Variants in MAPK10 observed in about 807,000 individuals in gnomAD.
MAPK10 encodes mitogen-activated protein kinase 10.
In MAPK10, 25 loss-of-function variants were observed where a neutral mutation model predicts 59.3. That is an observed-to-expected ratio of 0.42 (90% CI 0.31 to 0.59). The LOEUF (loss-of-function observed/expected upper bound fraction) is 0.59. Among genes scored for constraint, MAPK10 ranks in the 20% least tolerant of loss-of-function variants. The pLI is 0.15. For synonymous variants in MAPK10, 190 were observed against 200.5 expected, an observed-to-expected ratio of 0.95 and a Z score of 0.44; for missense variants, 351 against 568.9, an observed-to-expected ratio of 0.62 and a Z score of 3.90.
intron 1 of MAPK10, among the ~76,000 whole-genome samples, chr4:86,588,447 A>G (rs998760727): frequency 1.3e-5 from 2 of 152,198 alleles, no homozygotes; most frequent in Non-Finnish European, 2.9e-5. Context: ...ATATATTTAT[A>G]GATATAGGTA....
At chr4:86,224,503 A>G (rs906230648) in intron 2 of MAPK10, among the ~76,000 whole-genome samples, 1 of 152,176 alleles carries the variant, frequency 6.6e-6, no homozygotes, top group African/African-American at 2.4e-5. Flanking sequence ...GGAAGCATAG[A>G]GAATGTGAGA....
intron 1 of MAPK10, among the ~76,000 whole-genome samples, chr4:86,545,428 A>C (rs1020425925): frequency 3.3e-5 from 5 of 152,156 alleles, no homozygotes; most frequent in Admixed American, 2.0e-4. Flanking sequence ...CTCTTCTGAG[A>C]ACTTTCTCAA....
At chr4:86,147,560 T>G (rs1340554050) in intron 4 of MAPK10, among the ~76,000 whole-genome samples, 1 of 152,216 alleles carries the variant, frequency 6.6e-6, no homozygotes, top group Non-Finnish European at 1.5e-5. Context: ...TTATACATTC[T>G]GTAAGGATAC....
At chr4:86,540,883 A>T (rs1159416243) in intron 1 of MAPK10, among the ~76,000 whole-genome samples, 1 of 151,826 alleles carries the variant, frequency 6.6e-6, no homozygotes, top group Non-Finnish European at 1.5e-5. Flanking sequence ...TGGGAGGATC[A>T]CTTGAGCCCA....
At chr4:86,194,434 A>C (rs750174682) in intron 2 of MAPK10, 27 bp from the exon 3 acceptor site, 3 of 1,343,622 alleles carry the variant, frequency 2.2e-6, no homozygotes, top group South Asian at 2.4e-5. Flanking sequence ...TGGAGCATAA[A>C]TTTTCAAATC....
intron 2 of MAPK10, among the ~76,000 whole-genome samples, chr4:86,197,073 G>A (rs184054105): frequency 4.6e-4 from 70 of 152,250 alleles, no homozygotes; most frequent in African/African-American, 1.5e-3. Flanking sequence ...GAAATTTAAA[G>A]TAGTTTTTTC....
chr4:86,385,954 C>T (rs1045256565), intron 1 of MAPK10, among the ~76,000 whole-genome samples: 3 of 152,184 alleles, frequency 2.0e-5, no homozygotes, highest in Non-Finnish European at 4.4e-5. Flanking sequence ...TTTATCCAGT[C>T]TTAGCCAGGT....
At chr4:86,291,300 TTG>T (rs2095218679) in intron 2 of MAPK10, among the ~76,000 whole-genome samples, 2 of 152,230 alleles carry the variant, frequency 1.3e-5, no homozygotes, top group Admixed American at 6.5e-5. Context: ...ATAATCTACC[TTG>T]TGTAATACCA....
In MAPK10 at chr4:86,360,009, C is replaced by T. The variant is rs1178263336; in HGVS notation, c.-473G>A. ...TGGCTTGCTGAATCACCCTCTTTCA[C>T]TGCCTGGAAACCATTGTGCAGCGTG... is the stretch of plus-strand genomic sequence containing the variant. On this transcript the variant is annotated 5_prime_UTR_variant, in exon 1 of 14. In the 5' UTR this introduces an upstream ATG that the reference lacks. Coordinates refer to ENST00000641462, the MANE Select transcript of MAPK10 (RefSeq NM_138982.4). 2 of 985,862 alleles carry T rather than the reference C, an allele frequency of 2.0e-6. No individual in the cohort carries two copies. The highest frequency in any genetic ancestry group is 2.4e-6 in the Non-Finnish European group (2 of 829,976). 61.1% of individuals were successfully genotyped at this position (985,862 alleles called of 1,614,324 possible). A position where few individuals can be genotyped will look rare whatever the true frequency, so the allele number is the denominator to read the frequency against.
intron 1 of MAPK10, among the ~76,000 whole-genome samples, chr4:86,389,618 G>A (rs760338239): frequency 6.6e-6 from 1 of 152,154 alleles, no homozygotes; most frequent in South Asian, 2.1e-4. Flanking sequence ...TGTGAAATGT[G>A]TAGTACAGCC....
intron 4 of MAPK10, among the ~76,000 whole-genome samples, chr4:86,155,292 A>C (rs905808226): frequency 3.3e-5 from 5 of 151,978 alleles, no homozygotes; most frequent in African/African-American, 9.7e-5. Context: ...ACTGTAGACC[A>C]CTTATTGAAG....
chr4:86,136,910 A>T (rs1215789114), intron 4 of MAPK10, among the ~76,000 whole-genome samples: 1 of 152,222 alleles, frequency 6.6e-6, no homozygotes, highest in African/African-American at 2.4e-5. Flanking sequence ...ACAGATTTTA[A>T]ACCAACAAAG....
chr4:86,291,204 A>T (rs2095215540), intron 2 of MAPK10, among the ~76,000 whole-genome samples: 1 of 152,228 alleles, frequency 6.6e-6, no homozygotes, highest in African/African-American at 2.4e-5. Flanking sequence ...CTAAATATTT[A>T]TTGATCATTA....
intron 13 of MAPK10, among the ~76,000 whole-genome samples, chr4:86,019,770 G>C (rs565680056): frequency 2.0e-5 from 3 of 152,182 alleles, no homozygotes; most frequent in Middle Eastern, 6.8e-3. Context: ...TATTATAAAG[G>C]CCTGATCAAT....
At chr4:86,070,374 G>A (rs1169433280) in intron 9 of MAPK10, among the ~76,000 whole-genome samples, 3 of 151,268 alleles carry the variant, frequency 2.0e-5, no homozygotes, top group Non-Finnish European at 3.0e-5. Context: ...CACTTGAAGG[G>A]CTTTATTTTT....
intron 4 of MAPK10, among the ~76,000 whole-genome samples, chr4:86,130,992 G>A (rs2149139350): frequency 1.3e-5 from 2 of 152,256 alleles, no homozygotes. Context: ...CAAGAAGAAA[G>A]AGGGGAAGAT....
chr4:86,568,865 C>A (rs1761247200), intron 1 of MAPK10, among the ~76,000 whole-genome samples: 1 of 152,134 alleles, frequency 6.6e-6, no homozygotes, highest in Non-Finnish European at 1.5e-5. Context: ...AGGAATAGCT[C>A]TTCTGGACAT....
At chr4:86,471,707 T>C (rs1752677285) in intron 1 of MAPK10, among the ~76,000 whole-genome samples, 6 of 152,326 alleles carry the variant, frequency 3.9e-5, no homozygotes, top group Admixed American at 3.3e-4. Context: ...TTAATTAAAA[T>C]GCCTGAAAGA....
intron 1 of MAPK10, among the ~76,000 whole-genome samples, chr4:86,380,254 A>AC (rs922991097): frequency 3.3e-5 from 5 of 150,674 alleles, no homozygotes; most frequent in East Asian, 1.9e-4. Flanking sequence ...AACAAAAAAA[A>AC]CCCCCCCAAA....
Sources: gnomAD v4.1 joint callset for allele counts (sites outside exome capture counted in the v4.1 genomes callset) on GRCh38, gnomAD v4.1.1 for gene constraint, MANE v1.5 for transcripts, NCBI Gene and HGNC (gene_info 2026-07-23, HGNC 2026-07-21) for gene names.